ARNT: variants seen among roughly 807,000 people sequenced by gnomAD.
The protein encoded by ARNT is class E basic helix-loop-helix protein 2.
In ARNT, 30 loss-of-function variants were observed where a neutral mutation model predicts 105.0. The ratio of observed to expected loss-of-function variants is 0.29; its 90% CI spans 0.21 to 0.39. The LOEUF (loss-of-function observed/expected upper bound fraction) is 0.39. Ranked by LOEUF, ARNT falls within the 10% of genes least tolerant of loss-of-function variation. ARNT has a pLI of 1.00. For missense variants in ARNT, 748 were observed against 978.7 expected, an observed-to-expected ratio of 0.76 and a Z score of 3.15; for synonymous variants, 304 against 344.0, an observed-to-expected ratio of 0.88 and a Z score of 1.29.
Position 150,816,346 on chromosome 1 carries a change from C to A in ARNT, c.1863G>T (p.Met621Ile). The A allele has an allele frequency of 1.2e-6, 2 of 1,609,358 alleles. No homozygotes were observed. The highest frequency in any genetic ancestry group is 1.7e-6 in the Non-Finnish European group (2 of 1,178,676). ...IVQPSASAGQ[M>I]LAQISRHSNP... ...TGGAGTGGCGGGAAATCTGGGCCAA[C>A]ATCTGTCCTGCAGAAGCTGATGGCT... Residue 621 changes from methionine (M) to isoleucine (I), a missense_variant, in exon 19 of 22, where the codon ATG (methionine) becomes ATT (isoleucine). Met to Ile is a conservative substitution (Grantham distance 10). Coordinates refer to ENST00000358595, the MANE Select transcript of ARNT (RefSeq NM_001668.4).
Position 150,809,925 on chromosome 1 carries a change from A to C in ARNT, c.*2096T>G, listed in dbSNP as rs1456288179. 1 of 224,572 alleles carries C rather than the reference A, an allele frequency of 4.5e-6. No individual in the cohort carries two copies. The highest frequency in any genetic ancestry group is 2.2e-5 in the African/African-American group (1 of 44,836). 13.9% of individuals were successfully genotyped at this position (224,572 alleles called of 1,614,324 possible). Reference sequence around the variant, plus strand: ...AGGACAAGTGAGGGGGGAGGCGTGCAATGTGATCAGAACCCTATGATTTCT... The same window carrying C: ...AGGACAAGTGAGGGGGGAGGCGTGCCATGTGATCAGAACCCTATGATTTCT... On this transcript the variant is annotated 3_prime_UTR_variant, in exon 22 of 22. Coordinates refer to ENST00000358595, the MANE Select transcript of ARNT (RefSeq NM_001668.4).
intron 19 of ARNT, among the ~76,000 whole-genome samples, chr1:150,815,238 T>C (rs1655577045): frequency 6.6e-6 from 1 of 152,054 alleles, no homozygotes; most frequent in Non-Finnish European, 1.5e-5. Context: ...CGTTATATTA[T>C]ATATATGAAT....
chr1:150,842,162 C>G, intron 5 of ARNT: 4 of 608,772 alleles, frequency 6.6e-6, no homozygotes, highest in Non-Finnish European at 8.2e-6. Context: ...AAACTTAGTA[C>G]TGACATAAAG....
intron 7 of ARNT, 83 bp downstream of exon 7, chr1:150,836,197 T>C (rs1170259982): frequency 2.2e-6 from 3 of 1,389,634 alleles, no homozygotes; most frequent in Admixed American, 4.0e-5. Context: ...AACAAACCAA[T>C]TTAACAGCTA....
chr1:150,827,053 A>G (rs971525837), intron 12 of ARNT, among the ~76,000 whole-genome samples: 4 of 149,284 alleles, frequency 2.7e-5, no homozygotes, highest in African/African-American at 7.4e-5. Context: ...TGAGGAGGAG[A>G]AAAAAAAAAG....
chr1:150,832,010 A>G (rs1659441174), intron 9 of ARNT, 107 bp from the exon 10 acceptor site: 1 of 808,054 alleles, frequency 1.2e-6, no homozygotes, highest in Non-Finnish European at 2.0e-6. Context: ...GGAGTTTAGA[A>G]AACAGGATAA....
At position 150,814,099 on chromosome 1, in the gene ARNT, G is replaced by A. The variant is rs756342019; in HGVS notation, c.2091C>T (p.Leu697=). ...ASPGAAAYPS[L]TNRGSNFAPE... is the part of the protein sequence containing the mutation. ...CACCAAAGTTAGATCCACGATTGGT[G>A]AGACTAGGGTAGGCAGCAGCACCAG... Residue 697 remains leucine (L), a synonymous_variant, in exon 20 of 22, where the codon CTC becomes CTT. Coordinates refer to ENST00000358595, the MANE Select transcript of ARNT (RefSeq NM_001668.4). 1.9e-6 allele frequency: 3 copies of A among 1,614,012 alleles called. No homozygotes were observed. The highest frequency in any genetic ancestry group is 2.7e-5 in the African/African-American group (2 of 74,916).
chr1:150,819,335 A>G (rs1179805247), intron 14 of ARNT, among the ~76,000 whole-genome samples: 1 of 152,186 alleles, frequency 6.6e-6, no homozygotes, highest in Non-Finnish European at 1.5e-5. Flanking sequence ...AGTTCCTCAA[A>G]AGGTAAAACA....
At chr1:150,831,790 G>A (rs1326351456) in intron 10 of ARNT, 28 bp downstream of exon 10, 2 of 1,499,904 alleles carry the variant, frequency 1.3e-6, no homozygotes, top group Non-Finnish European at 1.8e-6. Context: ...TGTACCAAGG[G>A]GAAATATTTA....
intron 14 of ARNT, among the ~76,000 whole-genome samples, chr1:150,822,729 G>A (rs1657367546): frequency 6.6e-6 from 1 of 152,132 alleles, no homozygotes; most frequent in African/African-American, 2.4e-5. Flanking sequence ...GGGGTCATGG[G>A]AGACAGCTGG....
intron 13 of ARNT, among the ~76,000 whole-genome samples, chr1:150,824,753 A>C (rs948151163): frequency 6.6e-6 from 1 of 151,914 alleles, no homozygotes; most frequent in African/African-American, 2.4e-5. Context: ...CTGCACCCAG[A>C]TGAGAGCATC....
At position 150,814,253 on chromosome 1, in the gene ARNT, G is replaced by T; in HGVS notation, c.1951-14C>A. On this transcript the variant is annotated splice_polypyrimidine_tract_variant and intron_variant, in intron 19 of 21. Transcript: ENST00000358595. Reference sequence around the variant, plus strand: ...GGTAGCCACCTGCTAAAGAGAGATGGAGAGGGGATATAGAACAAATACAGC... The same window carrying T: ...GGTAGCCACCTGCTAAAGAGAGATGTAGAGGGGATATAGAACAAATACAGC... 1 of 1,613,354 alleles carries T rather than the reference G, an allele frequency of 6.2e-7. No homozygotes were observed. The highest frequency in any genetic ancestry group is 8.5e-7 in the Non-Finnish European group (1 of 1,179,488).
intron 2 of ARNT, among the ~76,000 whole-genome samples, chr1:150,856,276 G>A (rs987070918): frequency 6.6e-6 from 1 of 151,642 alleles, no homozygotes; most frequent in Admixed American, 6.6e-5. Flanking sequence ...CGTCTCTACT[G>A]AAAATACAAA....
intron 1 of ARNT, among the ~76,000 whole-genome samples, chr1:150,859,394 T>G (rs1007737236): frequency 4.6e-5 from 7 of 151,480 alleles, no homozygotes; most frequent in Admixed American, 3.3e-4. Context: ...CAGCCCAGGC[T>G]GGAGTACAGT....
rs587603021 is a variant in ARNT at position 150,863,646 on chromosome 1, T to A, written c.26-5186A>T. Reference sequence around the variant, plus strand: ...GAGTTCGAGACCAGCCTGACCAACATGGTGAAACCCCGTCTCTACTAAAAA... The same window carrying A: ...GAGTTCGAGACCAGCCTGACCAACAAGGTGAAACCCCGTCTCTACTAAAAA... On this transcript the variant is annotated intron_variant, in intron 1 of 21. Coordinates refer to ENST00000358595, the MANE Select transcript of ARNT (RefSeq NM_001668.4). 3.5e-3 allele frequency among the ~76,000 whole-genome samples: 538 copies of A among 152,012 alleles called. 1 individual carries two copies. Among genetic ancestry groups the A allele is most frequent in the Middle Eastern group, 6.8e-3 (2 of 294 alleles).
chr1:150,834,783 T>C lies in ARNT; in HGVS notation c.701-143A>G. The C allele has an allele frequency of 6.6e-6, 4 of 604,210 alleles. No individual in the cohort carries two copies. In the East Asian group the frequency reaches 1.1e-4, roughly 17 times the overall value. 37.4% of individuals were successfully genotyped at this position (604,210 alleles called of 1,614,324 possible). On this transcript the variant is annotated intron_variant, in intron 7 of 21. Coordinates refer to ENST00000358595, the MANE Select transcript of ARNT (RefSeq NM_001668.4). ...ATAACAGAACTGACCAAGCAGGAGATGAATTTTTTTTCAAGCCTAAAATAC... is the reference window on the plus strand; with the variant it reads ...ATAACAGAACTGACCAAGCAGGAGACGAATTTTTTTTCAAGCCTAAAATAC...
chr1:150,813,064 C>T, intron 21 of ARNT, 108 bp downstream of exon 21: 1 of 1,274,246 alleles, frequency 7.8e-7, no homozygotes, highest in Non-Finnish European at 1.1e-6. Flanking sequence ...CTCACATATA[C>T]CCCCAACCAA....
At chr1:150,830,657 G>A (rs1477189485) in intron 10 of ARNT, among the ~76,000 whole-genome samples, 1 of 152,110 alleles carries the variant, frequency 6.6e-6, no homozygotes, top group African/African-American at 2.4e-5. Context: ...TGCCTAATCT[G>A]TAACTTTTAA....
intron 13 of ARNT, among the ~76,000 whole-genome samples, chr1:150,824,184 A>T (rs1657719317): frequency 6.6e-6 from 1 of 151,402 alleles, no homozygotes; most frequent in African/African-American, 2.4e-5. Flanking sequence ...AAGTAATTGC[A>T]TTTTTTGCCA....
Sources: gnomAD v4.1 joint callset for allele counts (sites outside exome capture counted in the v4.1 genomes callset) on GRCh38, gnomAD v4.1.1 for gene constraint, MANE v1.5 for transcripts, NCBI Gene and HGNC (gene_info 2026-07-23, HGNC 2026-07-21) for gene names.